The following ANK3 variants were observed in gnomAD, a reference collection of about 807,000 sequenced individuals.
The protein encoded by ANK3 is ankyrin 3, also known as ankyrin-3.
A neutral mutation model predicts 370.9 loss-of-function variants in ANK3; 57 were observed. The ratio of observed to expected loss-of-function variants is 0.15; its 90% CI spans 0.12 to 0.19. ANK3 has a LOEUF of 0.19. ANK3 is among the 10% of genes least tolerant of loss of function. The probability of loss-of-function intolerance (pLI) is 1.00; values close to 1 mark genes in which losing one functional copy is unlikely to be tolerated. For missense variants in ANK3, 4,439 were observed against 5,302.1 expected (o/e 0.84, Z 5.06); for synonymous variants, 1,929 against 1,946.3 (o/e 0.99, Z 0.23).
chr10:60,111,884 G>C, intron 26 of ANK3: 1 of 414,232 alleles, frequency 2.4e-6, no homozygotes, highest in Non-Finnish European at 4.8e-6. Context: ...AATGAAACCA[G>C]GGCATCTGGC....
chr10:60,196,157 G>C lies in ANK3; in HGVS notation c.1875C>G (p.His625Gln). Reference protein sequence around the residue: ...LLLLDQGASPHAAAKNGYTPL... With the variant: ...LLLLDQGASPQAAAKNGYTPL... ...GAATTATAGGTACCTTTGCGGCTGC[G>C]TGAGGTGAGGCTCCTTGGTCCAAAA... is the stretch of plus-strand genomic sequence containing the variant. The change falls in exon 16 of 44, where the codon CAC becomes CAG. Residue 625 changes from histidine (H) to glutamine (Q), a missense_variant. Physicochemically the swap from His to Gln is conservative, Grantham distance 24. Coordinates refer to ENST00000280772, the MANE Select transcript of ANK3 (RefSeq NM_020987.5). 1 of 1,613,796 alleles carries C rather than the reference G, an allele frequency of 6.2e-7. No homozygotes were observed. Among genetic ancestry groups the C allele is most frequent in the Non-Finnish European group, 8.5e-7 (1 of 1,179,778 alleles).
chr10:60,534,822 C>T (rs755175658), intron 2 of ANK3, among the ~76,000 whole-genome samples: 1 of 152,170 alleles, frequency 6.6e-6, no homozygotes, highest in African/African-American at 2.4e-5. Context: ...CTTATTACCA[C>T]AACTGGTAAA....
intron 2 of ANK3, among the ~76,000 whole-genome samples, chr10:60,602,309 C>T (rs1308303032): frequency 6.6e-6 from 1 of 152,070 alleles, no homozygotes; most frequent in Non-Finnish European, 1.5e-5. Flanking sequence ...TCTTATCCTC[C>T]CTCCCCACAA....
Position 60,055,645 on chromosome 10 carries a change from C to T in ANK3, c.13065+13G>A, listed in dbSNP as rs1217933373. 4 of 1,587,762 alleles carry T rather than the reference C, an allele frequency of 2.5e-6. No individual in the cohort carries two copies. Among genetic ancestry groups the T allele is most frequent in the East Asian group, 2.2e-5 (1 of 44,688 alleles). On this transcript the variant is annotated intron_variant, in intron 42 of 43. Transcript: ENST00000280772. ...CATTTCAATGACTGCTACCGGATGA[C>T]CAGATGACGTACCTTTTGCTCAGAC...
chr10:60,069,283 G>A lies in ANK3; in HGVS notation c.11598C>T (p.Pro3866=). 2 of 1,614,002 alleles carry A rather than the reference G, an allele frequency of 1.2e-6. No homozygotes were observed. Among genetic ancestry groups the A allele is most frequent in the Non-Finnish European group, 1.7e-6 (2 of 1,179,958 alleles). Residue 3866 remains proline, a synonymous_variant, in exon 37 of 44, where the codon CCC becomes CCT. Transcript: ENST00000280772. ...TATCTTTTGGTGAAGTGGCCTTTAT[G>A]GGAAGTTTGGATTTTTGCCTAATCC... ...LIGIRQKSKL[P]IKATSPKDTF...
At chr10:60,622,355 C>G (rs2078349354) in intron 1 of ANK3, among the ~76,000 whole-genome samples, 1 of 152,028 alleles carries the variant, frequency 6.6e-6, no homozygotes, top group Non-Finnish European at 1.5e-5. Context: ...AGTGATTCTC[C>G]TGCCTCAGCC....
At chr10:60,502,991 G>A (rs565657035) in intron 2 of ANK3, among the ~76,000 whole-genome samples, 3 of 152,092 alleles carry the variant, frequency 2.0e-5, no homozygotes, top group South Asian at 2.1e-4. Flanking sequence ...ATACTCTCTG[G>A]TTCAATTACT....
intron 1 of ANK3, among the ~76,000 whole-genome samples, chr10:60,711,209 T>C (rs891565911): frequency 6.6e-6 from 1 of 152,018 alleles, no homozygotes; most frequent in Non-Finnish European, 1.5e-5. Flanking sequence ...CAAATGGAAA[T>C]GTTAAAAATA....
intron 1 of ANK3, among the ~76,000 whole-genome samples, chr10:60,281,408 C>T (rs2098161076): frequency 2.0e-5 from 3 of 152,178 alleles, no homozygotes; most frequent in Admixed American, 2.0e-4. Context: ...CCAAATGTCC[C>T]TTGGGGGAGG....
intron 23 of ANK3, among the ~76,000 whole-genome samples, chr10:60,148,973 G>A (rs534672216): frequency 3.7e-4 from 57 of 152,326 alleles, no homozygotes; most frequent in Non-Finnish European, 7.1e-4. Flanking sequence ...CAAGGACCAT[G>A]AGTACAATAC....
Position 60,250,509 on chromosome 10 carries a change from T to C in ANK3, c.798+11350A>G, listed in dbSNP as rs184060922. Among the ~76,000 whole-genome samples the C allele has an allele frequency of 4.2e-3, 641 of 152,178 alleles. 5 individuals carry two copies. The highest frequency in any genetic ancestry group is 0.028 in the Admixed American group (431 of 15,280). ...CCTCCCCAGTAGCTGGGACTACAGGTGCCTGCCACCACGCCCAGCTAATTT... is the reference window on the plus strand; with the variant it reads ...CCTCCCCAGTAGCTGGGACTACAGGCGCCTGCCACCACGCCCAGCTAATTT... On this transcript the variant is annotated intron_variant, in intron 7 of 43. Transcript: ENST00000280772.
At chr10:60,108,178 A>C (rs1282922926) in intron 27 of ANK3, 1 of 444,816 alleles carries the variant, frequency 2.2e-6, no homozygotes, top group African/African-American at 2.0e-5. Context: ...CTTGTCTATA[A>C]AGGTCCTACC....
At chr10:60,446,339 A>G (rs1329774232) in intron 2 of ANK3, among the ~76,000 whole-genome samples, 1 of 152,200 alleles carries the variant, frequency 6.6e-6, no homozygotes, top group African/African-American at 2.4e-5. Context: ...TATGCCCTGC[A>G]AATTTACTCT....
At chr10:60,317,990 C>T (rs924924656) in intron 1 of ANK3, among the ~76,000 whole-genome samples, 9 of 150,544 alleles carry the variant, frequency 6.0e-5, no homozygotes, top group South Asian at 4.2e-4. Flanking sequence ...AGAATTTTGA[C>T]ATATTCATAA....
intron 1 of ANK3, among the ~76,000 whole-genome samples, chr10:60,348,576 T>A (rs1277468714): frequency 6.6e-6 from 1 of 152,182 alleles, no homozygotes; most frequent in Non-Finnish European, 1.5e-5. Flanking sequence ...TCCCAGCTGC[T>A]AAATACAAAT....
intron 35 of ANK3, chr10:60,081,467 C>T (rs1408902917): frequency 4.7e-6 from 2 of 426,756 alleles, no homozygotes; most frequent in South Asian, 3.4e-5. Flanking sequence ...ATTCAAAAAC[C>T]TAATTATCAT....
At chr10:60,346,471 T>TCA (rs2055519194) in intron 1 of ANK3, among the ~76,000 whole-genome samples, 1 of 151,680 alleles carries the variant, frequency 6.6e-6, no homozygotes, top group Non-Finnish European at 1.5e-5. Flanking sequence ...TATAACTCTT[T>TCA]ATAAATTCAG....
chr10:60,114,217 T>C lies in ANK3; in HGVS notation c.2948+8A>G. On this transcript the variant is annotated splice_region_variant and intron_variant, in intron 26 of 43. Coordinates refer to ENST00000280772, the MANE Select transcript of ANK3 (RefSeq NM_020987.5). ...AGGATAATGAAAAGTGACATTTAGG[T>C]TACTTACCCAGAATGAATGGGGCTT... The C allele has an allele frequency of 6.4e-7, 1 of 1,555,062 alleles. No homozygotes were observed. The highest frequency in any genetic ancestry group is 8.8e-7 in the Non-Finnish European group (1 of 1,136,210).
intron 1 of ANK3, among the ~76,000 whole-genome samples, chr10:60,693,811 G>C (rs565877867): frequency 1.6e-4 from 24 of 152,326 alleles, no homozygotes; most frequent in African/African-American, 5.5e-4. Flanking sequence ...AAACAGAGCA[G>C]AAAAACTGGA....
Sources: allele counts gnomAD v4.1 joint callset (sites outside exome capture counted in the v4.1 genomes callset), GRCh38; gene constraint gnomAD v4.1.1; transcripts MANE v1.5; gene names NCBI Gene and HGNC (gene_info 2026-07-23, HGNC 2026-07-21).